Variants in TYW1 observed in about 807,000 individuals in gnomAD.
TYW1 encodes S-adenosyl-L-methionine-dependent tRNA 4-demethylwyosine synthase TYW1.
Under a neutral mutation model 96.2 loss-of-function variants are expected in TYW1, and 46 were observed. The observed-to-expected ratio is 0.48, with a 90% CI of 0.38 to 0.61. The LOEUF is 0.61. Among genes scored for constraint, TYW1 ranks in the 20% least tolerant of loss-of-function variants. The pLI is 0.00. For synonymous variants in TYW1, 274 were observed against 323.0 expected (o/e 0.85, Z 1.63); for missense variants, 684 against 909.6 (o/e 0.75, Z 3.19).
intron 7 of TYW1, among the ~76,000 whole-genome samples, chr7:67,048,468 C>T (rs1035606857): frequency 5.9e-5 from 9 of 151,372 alleles, no homozygotes; most frequent in South Asian, 2.1e-4. Context: ...ACACAGATCT[C>T]GTGTGTTGTC....
intron 7 of TYW1, among the ~76,000 whole-genome samples, chr7:67,038,195 C>A (rs1454268318): frequency 6.6e-6 from 1 of 152,056 alleles, no homozygotes; most frequent in Non-Finnish European, 1.5e-5. Flanking sequence ...CCCAACTACT[C>A]AGGAGGCTGA....
chr7:67,067,033 A>G (rs1795888495), intron 9 of TYW1: 2 of 490,044 alleles, frequency 4.1e-6, no homozygotes, highest in African/African-American at 3.9e-5. Flanking sequence ...TGAAAATGAA[A>G]GCATTAGTGG....
At chr7:67,073,259 T>C (rs1323798127) in intron 10 of TYW1, among the ~76,000 whole-genome samples, 1 of 152,158 alleles carries the variant, frequency 6.6e-6, no homozygotes, top group East Asian at 1.9e-4. Flanking sequence ...TGTCTCGAGA[T>C]ATTTTTTATT....
intron 13 of TYW1, among the ~76,000 whole-genome samples, chr7:67,123,619 T>G (rs1166110539): frequency 6.8e-6 from 1 of 148,022 alleles, no homozygotes; most frequent in Non-Finnish European, 1.5e-5. Flanking sequence ...AAGTCATCTC[T>G]TTAGCAACGG....
chr7:67,073,968 G>A (rs1796125324), intron 10 of TYW1, among the ~76,000 whole-genome samples: 1 of 150,490 alleles, frequency 6.6e-6, no homozygotes, highest in African/African-American at 2.4e-5. Flanking sequence ...TGTAGTCCCA[G>A]CTACTCGGGA....
chr7:67,194,218 T>G (rs1800315025), intron 14 of TYW1, among the ~76,000 whole-genome samples: 1 of 152,136 alleles, frequency 6.6e-6, no homozygotes, highest in African/African-American at 2.4e-5. Flanking sequence ...GAAATACATG[T>G]GTATATGTAG....
intron 12 of TYW1, among the ~76,000 whole-genome samples, chr7:67,112,120 A>AAAAAAAAAAAAAAAAAAAAAAAAG (rs1424171580): frequency 3.4e-5 from 5 of 148,682 alleles, no homozygotes; most frequent in Admixed American, 6.8e-5. Context: ...AAAAAAAAAA[A>AAAAAAAAAAAAAAAAAAAAAAAAG]AAAGAAAGTG....
chr7:67,227,084 A>G (rs1173993148), intron 15 of TYW1, among the ~76,000 whole-genome samples: 3 of 152,164 alleles, frequency 2.0e-5, no homozygotes, highest in African/African-American at 4.8e-5. Flanking sequence ...CGTTTTGTCT[A>G]TTATATATGG....
At chr7:67,144,368 A>C (rs1176840602) in intron 13 of TYW1, among the ~76,000 whole-genome samples, 11 of 152,264 alleles carry the variant, frequency 7.2e-5, no homozygotes, top group Admixed American at 7.2e-4. Context: ...TTCATATATC[A>C]TCAGATTGTC....
intron 12 of TYW1, among the ~76,000 whole-genome samples, chr7:67,108,089 C>T (rs182299021): frequency 6.6e-6 from 1 of 152,090 alleles, no homozygotes; most frequent in Non-Finnish European, 1.5e-5. Context: ...GTTGGCCAGG[C>T]TGGTCTCAAA....
chr7:67,185,245 T>C (rs1327011728), intron 14 of TYW1, among the ~76,000 whole-genome samples: 2 of 151,828 alleles, frequency 1.3e-5, no homozygotes, highest in African/African-American at 2.4e-5. Context: ...TTTGTAAATA[T>C]AGGTGCACTA....
intron 10 of TYW1, among the ~76,000 whole-genome samples, chr7:67,073,150 T>C (rs1345624949): frequency 6.6e-6 from 1 of 152,000 alleles, no homozygotes; most frequent in Non-Finnish European, 1.5e-5. Context: ...AACAAAACAC[T>C]ACAAGTATCT....
At chr7:67,156,271 A>G (rs1322771431) in intron 13 of TYW1, among the ~76,000 whole-genome samples, 6 of 152,192 alleles carry the variant, frequency 3.9e-5, no homozygotes, top group Non-Finnish European at 7.3e-5. Context: ...CTCTAGCAGT[A>G]GTGGCAGCGG....
Position 67,136,650 on chromosome 7 carries a change from C to CGTGT in TYW1, c.1698+19065_1698+19068dup, listed in dbSNP as rs59522817. Reference sequence around the variant, plus strand: ...AGTATGTGTGTGTGTTTATACAGTGCGTGTGTGTGTGTGTGTGTGTGTGTG... The same window carrying CGTGT: ...AGTATGTGTGTGTGTTTATACAGTGCGTGTGTGTGTGTGTGTGTGTGTGTGTGTG... On this transcript the variant is annotated intron_variant, in intron 13 of 15. Coordinates refer to ENST00000359626, the MANE Select transcript of TYW1 (RefSeq NM_018264.4). Among the ~76,000 whole-genome samples, 859 of 144,062 alleles carry CGTGT rather than the reference C, an allele frequency of 6.0e-3. 4 individuals are homozygous for CGTGT. The highest frequency in any genetic ancestry group is 9.1e-3 in the Non-Finnish European group (599 of 65,480). The allele number at this position is 144,062 out of a possible 152,430, so 94.5% of individuals were successfully genotyped here. A position where few individuals can be genotyped will look rare whatever the true frequency, so the allele number is the denominator to read the frequency against.
At chr7:67,015,509 C>A (rs934067601) in intron 5 of TYW1, among the ~76,000 whole-genome samples, 2 of 152,066 alleles carry the variant, frequency 1.3e-5, no homozygotes, top group African/African-American at 4.8e-5. Context: ...GCACCACTAC[C>A]CCTGGCTAAT....
At chr7:67,148,745 T>C (rs1048717097) in intron 13 of TYW1, among the ~76,000 whole-genome samples, 4 of 152,154 alleles carry the variant, frequency 2.6e-5, no homozygotes, top group African/African-American at 9.7e-5. Context: ...AAAGTGATTT[T>C]TATTTGTTCT....
Position 67,230,915 on chromosome 7 carries a change from C to T in TYW1, c.1978-7393C>T, listed in dbSNP as rs576818855. Among the ~76,000 whole-genome samples the T allele has an allele frequency of 9.2e-5, 14 of 152,248 alleles. 1 individual carries two copies. In the South Asian group the frequency reaches 1.9e-3, roughly 20 times the overall value. ...TCGGCCTCCCAAAGTGCTGGGATTA[C>T]AGGTGTGAGCCACCATGCCTGGCTG... On this transcript the variant is annotated intron_variant, in intron 15 of 15. Coordinates refer to ENST00000359626, the MANE Select transcript of TYW1 (RefSeq NM_018264.4).
intron 11 of TYW1, among the ~76,000 whole-genome samples, chr7:67,087,973 C>T (rs1017853938): frequency 3.4e-4 from 51 of 152,238 alleles, no homozygotes; most frequent in African/African-American, 1.2e-3. Context: ...AAGTGATCCT[C>T]CCACCTCAGC....
Position 67,238,377 on chromosome 7 carries a change from G to C in TYW1, c.2047G>C (p.Glu683Gln). Residue 683 changes from glutamate (E) to glutamine (Q), a missense_variant, in exon 16 of 16, where the codon GAA becomes CAA. Coordinates refer to ENST00000359626, the MANE Select transcript of TYW1 (RefSeq NM_018264.4). The part of the protein sequence containing the change: ...NRFQELIQEY[E>Q]DSGGSKTFSA... ...CTTCCAGGAGCTCATCCAGGAATATGAAGATAGTGGTGGATCAAAAACGTT... is the reference window on the plus strand; with the variant it reads ...CTTCCAGGAGCTCATCCAGGAATATCAAGATAGTGGTGGATCAAAAACGTT... 1 of 1,613,660 alleles carries C rather than the reference G, an allele frequency of 6.2e-7. No homozygotes were observed.
Sources: allele counts gnomAD v4.1 joint callset (sites outside exome capture counted in the v4.1 genomes callset), GRCh38; gene constraint gnomAD v4.1.1; transcripts MANE v1.5; gene names NCBI Gene and HGNC (gene_info 2026-07-23, HGNC 2026-07-21).